The following KCNT2 variants were observed in gnomAD, a reference collection of about 807,000 sequenced individuals.
KCNT2 encodes the protein potassium sodium-activated channel subfamily T member 2, also known as potassium channel subfamily T member 2.
KCNT2 carries 67 observed loss-of-function variants against 153.8 expected under a neutral mutation model. That is an observed-to-expected ratio of 0.44 (90% CI 0.36 to 0.53). The LOEUF is 0.53. Ranked by LOEUF, KCNT2 falls within the 20% of genes least tolerant of loss-of-function variation. The pLI is 0.00. For synonymous variants in KCNT2, 500 were observed against 458.8 expected (o/e 1.09, Z -1.15); for missense variants, 975 against 1,354.8 (o/e 0.72, Z 4.40).
At chr1:196,386,503 T>C (rs1669999541) in intron 13 of KCNT2, among the ~76,000 whole-genome samples, 1 of 152,132 alleles carries the variant, frequency 6.6e-6, no homozygotes, top group South Asian at 2.1e-4. Context: ...ATAATAATTA[T>C]TGTAGTTCTT....
At chr1:196,538,426 G>A (rs1281368266) in intron 1 of KCNT2, among the ~76,000 whole-genome samples, 3 of 152,254 alleles carry the variant, frequency 2.0e-5, no homozygotes, top group South Asian at 4.1e-4. Flanking sequence ...AAAAACATTC[G>A]AAGAATCATA....
At chr1:196,536,240 C>G (rs1167878395) in intron 1 of KCNT2, among the ~76,000 whole-genome samples, 1 of 152,222 alleles carries the variant, frequency 6.6e-6, no homozygotes, top group Non-Finnish European at 1.5e-5. Flanking sequence ...GACATCTTTC[C>G]TACCATATGT....
At chr1:196,337,026 T>C (rs912993991) in intron 16 of KCNT2, among the ~76,000 whole-genome samples, 8 of 152,150 alleles carry the variant, frequency 5.3e-5, no homozygotes, top group Non-Finnish European at 8.8e-5. Flanking sequence ...TTTAAATATA[T>C]ACATAAGATC....
At chr1:196,457,211 C>T (rs574812069) in intron 8 of KCNT2, among the ~76,000 whole-genome samples, 1 of 151,234 alleles carries the variant, frequency 6.6e-6, no homozygotes, top group East Asian at 2.0e-4. Flanking sequence ...GCCCTCTTAC[C>T]CACAAAAAAA....
chr1:196,589,931 T>C (rs1460128777), intron 1 of KCNT2, among the ~76,000 whole-genome samples: 1 of 152,182 alleles, frequency 6.6e-6, no homozygotes, highest in Non-Finnish European at 1.5e-5. Context: ...CTCTTGCTTT[T>C]TTCATTCCAA....
At chr1:196,442,832 G>A (rs1168834242) in intron 8 of KCNT2, among the ~76,000 whole-genome samples, 2 of 151,636 alleles carry the variant, frequency 1.3e-5, no homozygotes, top group Non-Finnish European at 3.0e-5. Flanking sequence ...AAGACACGTG[G>A]AATATTTTAA....
At chr1:196,393,931 G>T (rs977541198) in intron 13 of KCNT2, among the ~76,000 whole-genome samples, 1 of 151,372 alleles carries the variant, frequency 6.6e-6, no homozygotes. Flanking sequence ...TCTATGGCAC[G>T]CTGCCATTGC....
At chr1:196,385,774 T>A (rs12565912) in intron 13 of KCNT2, among the ~76,000 whole-genome samples, 112,156 of 145,298 alleles carry the variant, frequency 0.77, 43,897 homozygotes, top group East Asian at 0.92. Context: ...ATTAAAAAAA[T>A]ATATATATAT....
chr1:196,296,484 A>T (rs1660687295), intron 22 of KCNT2, among the ~76,000 whole-genome samples: 1 of 152,024 alleles, frequency 6.6e-6, no homozygotes, highest in Admixed American at 6.6e-5. Context: ...GACTTTAAAT[A>T]CAAATGATAC....
intron 14 of KCNT2, among the ~76,000 whole-genome samples, chr1:196,361,914 A>AGTGT (rs34545133): frequency 0.47 from 70,451 of 150,480 alleles, 18,864 homozygotes; most frequent in East Asian, 0.7. Flanking sequence ...TGTGAGTGTG[A>AGTGT]GTGTGTGTGT....
At chr1:196,483,833 C>T (rs1035962974) in intron 3 of KCNT2, among the ~76,000 whole-genome samples, 8 of 152,256 alleles carry the variant, frequency 5.3e-5, no homozygotes, top group African/African-American at 1.9e-4. Context: ...AATTTACTCA[C>T]CATTATAAAC....
At chr1:196,584,725 T>C (rs1316751071) in intron 1 of KCNT2, among the ~76,000 whole-genome samples, 2 of 152,136 alleles carry the variant, frequency 1.3e-5, no homozygotes, top group African/African-American at 2.4e-5. Context: ...ATAGTAAATA[T>C]ATAAGCTTTG....
intron 12 of KCNT2, among the ~76,000 whole-genome samples, chr1:196,399,678 A>G (rs1328384699): frequency 6.6e-6 from 1 of 151,794 alleles, no homozygotes; most frequent in Non-Finnish European, 1.5e-5. Flanking sequence ...ACTGCTATAG[A>G]CAGAATGATC....
At position 196,257,753 on chromosome 1, in the gene KCNT2, C is replaced by A. The variant is rs1247289046; in HGVS notation, c.3211+441G>T. On this transcript the variant is annotated intron_variant, in intron 26 of 27. Transcript: ENST00000294725. ...GTTTTTGAAGATTTTGTTTCTAAAC[C>A]ACATACACTAAACAAATTTTATAAG... 3.0e-6 allele frequency: 3 copies of A among 983,758 alleles called. No homozygotes were observed. In the East Asian group the frequency reaches 3.4e-4, roughly 112 times the overall value. 60.9% of individuals were successfully genotyped at this position (983,758 alleles called of 1,614,324 possible).
intron 27 of KCNT2, among the ~76,000 whole-genome samples, chr1:196,234,671 TAA>T (rs1654267005): frequency 6.6e-6 from 1 of 151,416 alleles, no homozygotes; most frequent in Admixed American, 6.6e-5. Flanking sequence ...TGACAACATA[TAA>T]AAGAGTCTTC....
intron 27 of KCNT2, among the ~76,000 whole-genome samples, chr1:196,229,013 A>C (rs1653720836): frequency 6.6e-6 from 1 of 152,174 alleles, no homozygotes; most frequent in African/African-American, 2.4e-5. Flanking sequence ...GCTAGTAAAT[A>C]GAAAAATGTT....
intron 5 of KCNT2, among the ~76,000 whole-genome samples, chr1:196,472,744 A>T (rs1678207923): frequency 6.6e-6 from 1 of 152,180 alleles, no homozygotes; most frequent in South Asian, 2.1e-4. Context: ...TAATTATACT[A>T]TAATTTATCA....
intron 1 of KCNT2, among the ~76,000 whole-genome samples, chr1:196,536,021 G>A (rs1484247866): frequency 6.6e-6 from 1 of 152,200 alleles, no homozygotes; most frequent in Non-Finnish European, 1.5e-5. Context: ...TCCAGGCAGG[G>A]ACACATGCCC....
rs191764239 is a variant in KCNT2, at chr1:196,504,623, T to G, written c.96-12282A>C. 6.6e-4 allele frequency among the ~76,000 whole-genome samples: 100 copies of G among 152,280 alleles called. 3 individuals carry two copies. In the East Asian group the frequency reaches 0.019, roughly 28 times the overall value. On this transcript the variant is annotated intron_variant, in intron 1 of 27. Coordinates refer to ENST00000294725, the MANE Select transcript of KCNT2 (RefSeq NM_198503.5). ...CCAGTAATGAGATGGCTGGGTCAAATGGTATTTCTAGTTCTAGATCCCTGA... is the reference window on the plus strand; with the variant it reads ...CCAGTAATGAGATGGCTGGGTCAAAGGGTATTTCTAGTTCTAGATCCCTGA...
Sources: allele counts gnomAD v4.1 joint callset (sites outside exome capture counted in the v4.1 genomes callset), GRCh38; gene constraint gnomAD v4.1.1; transcripts MANE v1.5; gene names NCBI Gene and HGNC (gene_info 2026-07-23, HGNC 2026-07-21).